NANOS3: variants seen among roughly 807,000 people sequenced by gnomAD.
NANOS3 encodes the protein nanos homolog 3.
Under a neutral mutation model 13.8 loss-of-function variants are expected in NANOS3, and 11 were observed. That is an observed-to-expected ratio of 0.80 (90% CI 0.50 to 1.32). NANOS3 has a LOEUF of 1.32. NANOS3 is among the 40% of genes most tolerant of loss of function. NANOS3 has a pLI of 0.00. For synonymous variants in NANOS3, 119 were observed against 115.4 expected (o/e 1.03, Z -0.20); for missense variants, 221 against 263.8 (o/e 0.84, Z 1.12).
rs149015163 is a variant in NANOS3, at chr19:13,867,543, G to C, written n.21+2106G>C. ...GCTTCCCAGAGCGCCGAGCCACCAT[G>C]CCTGGCCCAAATTTTTGTTTGTTTG... On this transcript the variant is annotated intron_variant and non_coding_transcript_variant, in intron 1 of 2. Transcript: ENST00000591161. Among the ~76,000 whole-genome samples the C allele has an allele frequency of 2.8e-3, 432 of 151,980 alleles. 4 individuals carry two copies. The highest frequency in any genetic ancestry group is 0.01 in the African/African-American group (423 of 41,446).
chr19:13,876,961 A>G (rs541835916), upstream of NANOS3, among the ~76,000 whole-genome samples: 1 of 152,082 alleles, frequency 6.6e-6, no homozygotes, highest in Non-Finnish European at 1.5e-5. Flanking sequence ...ATGCCCCCCC[A>G]CACACCCTGT....
upstream of NANOS3, among the ~76,000 whole-genome samples, chr19:13,875,830 A>G (rs1344597071): frequency 1.3e-5 from 2 of 152,172 alleles, no homozygotes; most frequent in East Asian, 1.9e-4. Flanking sequence ...TGCCTGGCCA[A>G]TAAAAGTTTC....
chr19:13,877,962 G>GGCTC (rs1968553534), intron 1 of NANOS3, among the ~76,000 whole-genome samples, 197 bp downstream of exon 1: 1 of 152,182 alleles, frequency 6.6e-6, no homozygotes, highest in Non-Finnish European at 1.5e-5. Context: ...AGGCTGGAGT[G>GGCTC]CAGTGGCGCC....
At chr19:13,873,220 G>A (rs529381303), upstream of NANOS3, among the ~76,000 whole-genome samples, 1 of 151,494 alleles carries the variant, frequency 6.6e-6, no homozygotes, top group East Asian at 2.0e-4. Flanking sequence ...GGGGCTCTAA[G>A]GGGCAGGGCC....
chr19:13,875,777 TA>T (rs1330027319), upstream of NANOS3, among the ~76,000 whole-genome samples: 1 of 152,128 alleles, frequency 6.6e-6, no homozygotes, highest in Admixed American at 6.6e-5. Flanking sequence ...CTCCAACTCC[TA>T]GGTTCAAGCA....
intron 1 of NANOS3, chr19:13,865,560 G>A (rs1274475013): frequency 6.8e-6 from 1 of 146,500 alleles, no homozygotes; most frequent in African/African-American, 2.5e-5. Context: ...TCGCAGCCCC[G>A]GGGCGGGCGC....
chr19:13,874,887 A>G (rs1224102678), upstream of NANOS3: 1 of 525,318 alleles, frequency 1.9e-6, no homozygotes, highest in African/African-American at 1.9e-5. Flanking sequence ...CCCCTCCCCT[A>G]GGCCACAGCC....
upstream of NANOS3, among the ~76,000 whole-genome samples, chr19:13,863,947 T>TGAAGGGTTGG (rs1976193357): frequency 6.6e-6 from 1 of 151,926 alleles, no homozygotes; most frequent in Non-Finnish European, 1.5e-5. Flanking sequence ...CATGGCCCCA[T>TGAAGGGTTGG]AAGGGTTAAG....
chr19:13,870,698 G>A (rs1599300103), intron 1 of NANOS3, among the ~76,000 whole-genome samples: 1 of 150,438 alleles, frequency 6.6e-6, no homozygotes, highest in South Asian at 2.1e-4. Flanking sequence ...CTCCCAAGTA[G>A]CTGGGACTAC....
intron 1 of NANOS3, among the ~76,000 whole-genome samples, chr19:13,867,800 C>T (rs1976264855): frequency 6.6e-6 from 1 of 152,038 alleles, no homozygotes; most frequent in Non-Finnish European, 1.5e-5. Flanking sequence ...ATCCTCTTAG[C>T]CACCCACAAA....
chr19:13,864,345 T>G (rs779081816), upstream of NANOS3, among the ~76,000 whole-genome samples: 4 of 152,090 alleles, frequency 2.6e-5, no homozygotes, highest in Non-Finnish European at 5.9e-5. Flanking sequence ...TGGTCCCAGG[T>G]ACACATCCCC....
chr19:13,878,658 T>A (rs2145082604), intron 1 of NANOS3, among the ~76,000 whole-genome samples: 1 of 149,664 alleles, frequency 6.7e-6, no homozygotes, highest in East Asian at 2.0e-4. Flanking sequence ...CCACCCAGGC[T>A]GGATGGAGTT....
chr19:13,876,831 A>G (rs920834344), upstream of NANOS3, among the ~76,000 whole-genome samples: 4 of 152,146 alleles, frequency 2.6e-5, no homozygotes, highest in African/African-American at 9.7e-5. Flanking sequence ...GGGGTTTCCA[A>G]CCCATTCTCC....
At chr19:13,871,405 G>A (rs1474517125) in intron 1 of NANOS3, among the ~76,000 whole-genome samples, 1 of 152,136 alleles carries the variant, frequency 6.6e-6, no homozygotes, top group South Asian at 2.1e-4. Flanking sequence ...AAGCCTGCAC[G>A]GACCACAGGC....
chr19:13,875,716 C>T (rs574439877), upstream of NANOS3, among the ~76,000 whole-genome samples: 2 of 151,324 alleles, frequency 1.3e-5, no homozygotes, highest in African/African-American at 2.4e-5. Flanking sequence ...TAGCTTATTT[C>T]GAAAAAGTGT....
At chr19:13,864,745 G>A (rs1976205670), upstream of NANOS3, among the ~76,000 whole-genome samples, 2 of 151,994 alleles carry the variant, frequency 1.3e-5, no homozygotes. Context: ...TGCATATTTC[G>A]GTTCTAAGGA....
intron 1 of NANOS3, among the ~76,000 whole-genome samples, chr19:13,866,451 A>G (rs1196100958): frequency 6.6e-6 from 1 of 152,124 alleles, no homozygotes; most frequent in Non-Finnish European, 1.5e-5. Flanking sequence ...GAGACCCCCA[A>G]AATTACACGC....
chr19:13,867,300 A>C (rs1373899721), intron 1 of NANOS3, among the ~76,000 whole-genome samples: 1 of 151,982 alleles, frequency 6.6e-6, no homozygotes, highest in Non-Finnish European at 1.5e-5. Flanking sequence ...GCTGGAGTGC[A>C]GTGGCACGAT....
chr19:13,874,020 G>A (rs1039757035), upstream of NANOS3, among the ~76,000 whole-genome samples: 1 of 152,074 alleles, frequency 6.6e-6, no homozygotes, highest in Non-Finnish European at 1.5e-5. Context: ...AGGCCCAAGG[G>A]GCAGCCCCCA....
Sources: gnomAD v4.1 joint callset for allele counts (sites outside exome capture counted in the v4.1 genomes callset) on GRCh38, gnomAD v4.1.1 for gene constraint, MANE v1.5 for transcripts, NCBI Gene and HGNC (gene_info 2026-07-23, HGNC 2026-07-21) for gene names.